Variants in CDK17 observed in about 807,000 individuals in gnomAD.
CDK17 encodes cyclin-dependent kinase 17.
A neutral mutation model predicts 77.6 loss-of-function variants in CDK17; 24 were observed. That is an observed-to-expected ratio of 0.31 (90% confidence interval 0.22 to 0.44). CDK17 has a LOEUF of 0.44. Ranked by LOEUF, CDK17 falls within the 20% of genes least tolerant of loss-of-function variation. The pLI, the probability that CDK17 is intolerant of heterozygous loss-of-function variation, is 1.00. For synonymous variants in CDK17, 203 were observed against 210.4 expected, an observed-to-expected ratio of 0.96 and a Z score of 0.30; for missense variants, 429 against 622.5, an observed-to-expected ratio of 0.69 and a Z score of 3.31.
chr12:96,345,633 C>T (rs374816645), intron 1 of CDK17, among the ~76,000 whole-genome samples: 14 of 152,134 alleles, frequency 9.2e-5, no homozygotes, highest in Non-Finnish European at 1.8e-4. Context: ...TAATCTGTGA[C>T]AATAACAATA....
chr12:96,314,391 A>G (rs1480758069), intron 3 of CDK17, among the ~76,000 whole-genome samples: 1 of 151,982 alleles, frequency 6.6e-6, no homozygotes, highest in Non-Finnish European at 1.5e-5. Context: ...TTTTTTGTAG[A>G]GACAAGGTTT....
intron 2 of CDK17, among the ~76,000 whole-genome samples, chr12:96,326,828 G>GT (rs1952897361): frequency 1.3e-5 from 2 of 152,206 alleles, no homozygotes; most frequent in Non-Finnish European, 2.9e-5. Flanking sequence ...GTGGTACCAG[G>GT]TGAGACCACA....
intron 10 of CDK17, among the ~76,000 whole-genome samples, chr12:96,292,561 C>T (rs983300449): frequency 6.6e-6 from 1 of 152,084 alleles, no homozygotes; most frequent in Non-Finnish European, 1.5e-5. Context: ...GCTGAGATTG[C>T]ACCACTAGAC....
chr12:96,289,970 G>A (rs964661308), intron 10 of CDK17, among the ~76,000 whole-genome samples: 16 of 151,894 alleles, frequency 1.1e-4, no homozygotes, highest in Non-Finnish European at 2.1e-4. Context: ...TACAATGGAA[G>A]AACTGTCTTA....
chr12:96,380,102 G>A (rs954003224), intron 1 of CDK17, among the ~76,000 whole-genome samples: 1 of 150,978 alleles, frequency 6.6e-6, no homozygotes, highest in East Asian at 2.0e-4. Context: ...CCAGGAGGTT[G>A]AGCCTGCAGT....
intron 13 of CDK17, among the ~76,000 whole-genome samples, chr12:96,284,860 C>T (rs1422718438): frequency 4.6e-5 from 7 of 152,034 alleles, no homozygotes; most frequent in East Asian, 1.9e-4. Context: ...TCACCGTGCC[C>T]GGCCTGGGAT....
At chr12:96,351,662 G>A (rs759773375) in intron 1 of CDK17, among the ~76,000 whole-genome samples, 17 of 151,996 alleles carry the variant, frequency 1.1e-4, no homozygotes, top group Non-Finnish European at 2.2e-4. Context: ...AACTAAAATG[G>A]CAAATTTTGT....
intron 14 of CDK17, 59 bp from the exon 15 acceptor site, chr12:96,282,658 G>A: frequency 9.4e-7 from 1 of 1,066,480 alleles, no homozygotes; most frequent in Non-Finnish European, 1.4e-6. Context: ...CAAAAAGTAG[G>A]AGATGGGCAA....
chr12:96,353,052 T>A (rs1320756934), intron 1 of CDK17, among the ~76,000 whole-genome samples: 1 of 152,180 alleles, frequency 6.6e-6, no homozygotes, highest in Non-Finnish European at 1.5e-5. Flanking sequence ...AGAAAAACTA[T>A]AAAATTTTGC....
Position 96,372,011 on chromosome 12 carries a change from TTG to T in CDK17, c.-30+27973_-30+27974del, listed in dbSNP as rs992158332. Among the ~76,000 whole-genome samples the T allele has an allele frequency of 3.8e-3, 35 of 9,120 alleles. 1 individual carries two copies. The highest frequency in any genetic ancestry group is 5.4e-3 in the East Asian group (2 of 372). 6.0% of individuals were successfully genotyped at this position (9,120 alleles called of 152,430 possible). A position where few individuals can be genotyped will look rare whatever the true frequency, so the allele number is the denominator to read the frequency against. ...AGACAGTGTGTGAGTGAGTGTGTGT[TTG>T]TGTGTGTGTGTGTGTGTGTGTACAA... On this transcript the variant is annotated intron_variant, in intron 1 of 16. Coordinates refer to ENST00000261211, the MANE Select transcript of CDK17 (RefSeq NM_002595.5).
At chr12:96,363,444 C>T (rs868251830) in intron 1 of CDK17, among the ~76,000 whole-genome samples, 26 of 52,298 alleles carry the variant, frequency 5.0e-4, no homozygotes, top group Middle Eastern at 0.011. Flanking sequence ...AGCAAGACTT[C>T]GTCTCAAAAA....
chr12:96,368,400 T>G (rs1364118942), intron 1 of CDK17, among the ~76,000 whole-genome samples: 1 of 152,116 alleles, frequency 6.6e-6, no homozygotes, highest in African/African-American at 2.4e-5. Context: ...GGCTCTTGAT[T>G]TAAATTGTGT....
chr12:96,353,309 T>TC (rs1953340463), intron 1 of CDK17, among the ~76,000 whole-genome samples: 1 of 152,196 alleles, frequency 6.6e-6, no homozygotes, highest in Non-Finnish European at 1.5e-5. Flanking sequence ...TAGCTATACG[T>TC]CATCTTTCTA....
intron 1 of CDK17, among the ~76,000 whole-genome samples, chr12:96,377,170 C>T (rs1953792795): frequency 6.6e-6 from 1 of 152,056 alleles, no homozygotes; most frequent in Admixed American, 6.6e-5. Context: ...ATTTTAAAAT[C>T]CAAATGTGAA....
chr12:96,305,752 T>A (rs1339817724), intron 5 of CDK17, among the ~76,000 whole-genome samples: 1 of 152,106 alleles, frequency 6.6e-6, no homozygotes, highest in Non-Finnish European at 1.5e-5. Flanking sequence ...GGTCTCTTGC[T>A]CTGTCGACAA....
chr12:96,288,488 A>T (rs948952959), intron 11 of CDK17, among the ~76,000 whole-genome samples: 16 of 152,194 alleles, frequency 1.1e-4, no homozygotes, highest in African/African-American at 3.6e-4. Context: ...AGGAAAGTCC[A>T]CATTATTCCT....
At chr12:96,368,525 G>C (rs1400750347) in intron 1 of CDK17, among the ~76,000 whole-genome samples, 1 of 152,084 alleles carries the variant, frequency 6.6e-6, no homozygotes, top group Non-Finnish European at 1.5e-5. Flanking sequence ...AGCCCTCTCT[G>C]GGCACCGTGC....
At chr12:96,395,446 G>A (rs1185947454) in intron 1 of CDK17, among the ~76,000 whole-genome samples, 7 of 152,110 alleles carry the variant, frequency 4.6e-5, no homozygotes, top group Non-Finnish European at 1.0e-4. Flanking sequence ...TTACCACAGA[G>A]GTCGGTCCCT....
At chr12:96,399,131 G>A (rs1444090919) in intron 1 of CDK17, 2 of 152,284 alleles carry the variant, frequency 1.3e-5, no homozygotes, top group Non-Finnish European at 2.9e-5. Flanking sequence ...GAGAACGAGG[G>A]AAAAACCACA....
Sources: allele counts gnomAD v4.1 joint callset (sites outside exome capture counted in the v4.1 genomes callset), GRCh38; gene constraint gnomAD v4.1.1; transcripts MANE v1.5; gene names NCBI Gene and HGNC (gene_info 2026-07-23, HGNC 2026-07-21).